The following RBFOX1 variants were observed in gnomAD, a reference collection of about 807,000 sequenced individuals.
RBFOX1 encodes RNA binding protein fox-1 homolog 1.
RBFOX1 carries 8 observed loss-of-function variants against 57.7 expected under a neutral mutation model. That is an observed-to-expected ratio of 0.14 (90% CI 0.08 to 0.25). RBFOX1 has a LOEUF of 0.25. Among genes scored for constraint, RBFOX1 ranks in the 10% least tolerant of loss-of-function variants. The pLI is 1.00. For synonymous variants in RBFOX1, 326 were observed against 222.4 expected (o/e 1.47, Z -4.15); for missense variants, 611 against 548.5 (o/e 1.11, Z -1.14).
At chr16:7,696,842 A>G (rs959972317) in intron 14 of RBFOX1, among the ~76,000 whole-genome samples, 2 of 152,166 alleles carry the variant, frequency 1.3e-5, no homozygotes, top group African/African-American at 4.8e-5. Flanking sequence ...GCAGGGATCT[A>G]AATATAAAGT....
At chr16:7,448,565 A>C (rs2079873) in intron 4 of RBFOX1, among the ~76,000 whole-genome samples, 144,264 of 152,236 alleles carry the variant, frequency 0.95, 68,680 homozygotes, top group East Asian at 1. Flanking sequence ...AGTTACCTCC[A>C]ACCGGGTCCC....
At chr16:7,154,653 C>G (rs544430962) in intron 4 of RBFOX1, among the ~76,000 whole-genome samples, 28 of 150,582 alleles carry the variant, frequency 1.9e-4, no homozygotes, top group Non-Finnish European at 2.4e-4. Context: ...AGGCATAAAA[C>G]TTAGTTTGGG....
Position 7,679,771 on chromosome 16 carries a change from G to A in RBFOX1, c.995+2933G>A, listed in dbSNP as rs144629728. On this transcript the variant is annotated intron_variant, in intron 14 of 15. Coordinates refer to ENST00000550418, the MANE Select transcript of RBFOX1 (RefSeq NM_018723.4). ...TAAATGATCACATGCTGATTATCTC[G>A]GAGCAACCTGAGAGTCTCTGAATGT... is the stretch of plus-strand genomic sequence containing the variant. Among the ~76,000 whole-genome samples the A allele has an allele frequency of 4.6e-5, 7 of 151,972 alleles. No individual in the cohort carries two copies. The East Asian group carries it at 7.8e-4, about 17-fold the overall frequency.
At chr16:5,669,551 C>T (rs982262618) in intron 3 of RBFOX1, among the ~76,000 whole-genome samples, 4 of 150,858 alleles carry the variant, frequency 2.7e-5, no homozygotes, top group Non-Finnish European at 5.9e-5. Context: ...TGCCAAGTAG[C>T]CGGGATTGCA....
At chr16:5,791,958 T>G (rs566439912) in intron 3 of RBFOX1, among the ~76,000 whole-genome samples, 77 of 152,248 alleles carry the variant, frequency 5.1e-4, no homozygotes, top group African/African-American at 1.8e-3. Flanking sequence ...CCTCTGGGGC[T>G]TGGAGGTCCT....
At chr16:7,428,498 TTATTATTATTA>T (rs2098645497) in intron 4 of RBFOX1, among the ~76,000 whole-genome samples, 1 of 100,842 alleles carries the variant, frequency 9.9e-6, no homozygotes, top group Non-Finnish European at 1.9e-5. Flanking sequence ...GGCTATTTTA[TTATTATTATTA>T]TTATTATTAT....
At chr16:7,490,830 C>G (rs112162687) in intron 4 of RBFOX1, among the ~76,000 whole-genome samples, 3 of 152,264 alleles carry the variant, frequency 2.0e-5, no homozygotes, top group African/African-American at 7.2e-5. Context: ...CCATCTTACC[C>G]AGAAACAGCA....
chr16:6,881,110 T>C (rs2062847000), intron 3 of RBFOX1, among the ~76,000 whole-genome samples: 1 of 152,178 alleles, frequency 6.6e-6, no homozygotes. Flanking sequence ...GGTCTTACCA[T>C]GCTTCTCAGT....
intron 3 of RBFOX1, among the ~76,000 whole-genome samples, chr16:5,795,928 C>A (rs924320462): frequency 6.6e-6 from 1 of 152,178 alleles, no homozygotes; most frequent in African/African-American, 2.4e-5. Flanking sequence ...GATAGGTCGA[C>A]AACACTCACC....
intron 1 of RBFOX1, among the ~76,000 whole-genome samples, chr16:6,181,313 C>G (rs966573591): frequency 2.0e-5 from 3 of 152,230 alleles, no homozygotes; most frequent in Admixed American, 1.3e-4. Flanking sequence ...TTTGTGTTAA[C>G]TAGGGATGAA....
At chr16:7,406,899 G>A (rs1265411568) in intron 4 of RBFOX1, among the ~76,000 whole-genome samples, 1 of 152,128 alleles carries the variant, frequency 6.6e-6, no homozygotes, top group Non-Finnish European at 1.5e-5. Context: ...CTTGGCTCAT[G>A]GCCCCTTCCT....
intron 4 of RBFOX1, among the ~76,000 whole-genome samples, chr16:7,477,204 T>C (rs2062913470): frequency 6.6e-6 from 1 of 152,222 alleles, no homozygotes; most frequent in Non-Finnish European, 1.5e-5. Flanking sequence ...TCGGTATATC[T>C]GTCTCTTGGG....
At chr16:7,684,187 G>A (rs2075554918) in intron 14 of RBFOX1, among the ~76,000 whole-genome samples, 2 of 152,078 alleles carry the variant, frequency 1.3e-5, no homozygotes, top group Non-Finnish European at 1.5e-5. Flanking sequence ...TGTAGTACAT[G>A]CATGTAAGCA....
intron 1 of RBFOX1, among the ~76,000 whole-genome samples, chr16:6,265,666 CA>C (rs1222387016): frequency 6.6e-6 from 1 of 152,182 alleles, no homozygotes; most frequent in Non-Finnish European, 1.5e-5. Flanking sequence ...ATATGTGCGT[CA>C]ACCACCAAAT....
chr16:7,008,361 A>C (rs1280783548), intron 3 of RBFOX1, among the ~76,000 whole-genome samples: 1 of 151,984 alleles, frequency 6.6e-6, no homozygotes, highest in Non-Finnish European at 1.5e-5. Flanking sequence ...GGCCAGTATG[A>C]TGAAACCCTG....
chr16:7,391,925 T>G (rs1392813927), intron 4 of RBFOX1, among the ~76,000 whole-genome samples: 1 of 152,214 alleles, frequency 6.6e-6, no homozygotes, highest in Admixed American at 6.5e-5. Context: ...TGCGTTAGTT[T>G]ACCTTATGCA....
At chr16:7,311,103 G>A (rs958587882) in intron 4 of RBFOX1, among the ~76,000 whole-genome samples, 2 of 152,104 alleles carry the variant, frequency 1.3e-5, no homozygotes, top group Admixed American at 1.3e-4. Flanking sequence ...CAGATCAGCA[G>A]CCACTAGTGC....
intron 4 of RBFOX1, among the ~76,000 whole-genome samples, chr16:7,195,490 C>T (rs542391726): frequency 4.5e-4 from 69 of 152,168 alleles, no homozygotes; most frequent in Non-Finnish European, 7.8e-4. Context: ...CCCAACAGCA[C>T]AGATTTGAAA....
chr16:6,679,212 A>T (rs1380908999), intron 3 of RBFOX1, among the ~76,000 whole-genome samples: 1 of 152,062 alleles, frequency 6.6e-6, no homozygotes, highest in Non-Finnish European at 1.5e-5. Flanking sequence ...ACTGGTTTTC[A>T]GTTTTGACGA....
Sources: allele counts gnomAD v4.1 joint callset (sites outside exome capture counted in the v4.1 genomes callset), GRCh38; gene constraint gnomAD v4.1.1; transcripts MANE v1.5; gene names NCBI Gene and HGNC (gene_info 2026-07-23, HGNC 2026-07-21).